The following SLC25A12 variants were observed in gnomAD, a reference collection of about 807,000 sequenced individuals.
SLC25A12 encodes the protein solute carrier family 25 member 12.
In SLC25A12, 32 loss-of-function variants were observed where a neutral mutation model predicts 83.3. That is an observed-to-expected ratio of 0.38 (90% CI 0.29 to 0.52). The LOEUF is 0.52. Ranked by LOEUF, SLC25A12 falls within the 20% of genes least tolerant of loss-of-function variation. SLC25A12 has a pLI of 0.84. For synonymous variants in SLC25A12, 267 were observed against 291.1 expected (o/e 0.92, Z 0.84); for missense variants, 611 against 835.6 (o/e 0.73, Z 3.31).
At chr2:171,873,676 C>T (rs1006918353) in intron 2 of SLC25A12, among the ~76,000 whole-genome samples, 2 of 152,040 alleles carry the variant, frequency 1.3e-5, no homozygotes, top group African/African-American at 4.8e-5. Context: ...ACCCCAGAGG[C>T]AATCGATTTC....
At chr2:171,794,090 C>T (rs1683547062) in intron 13 of SLC25A12, among the ~76,000 whole-genome samples, 2 of 152,108 alleles carry the variant, frequency 1.3e-5, no homozygotes, top group Non-Finnish European at 2.9e-5. Flanking sequence ...GAAAAAAAAG[C>T]GGAGCCAGAT....
At chr2:171,809,186 G>A (rs1219381482) in intron 13 of SLC25A12, among the ~76,000 whole-genome samples, 1 of 152,180 alleles carries the variant, frequency 6.6e-6, no homozygotes, top group African/African-American at 2.4e-5. Flanking sequence ...TGTCTTTATA[G>A]TAGAATGATT....
At chr2:171,846,485 G>A (rs1260938898) in intron 4 of SLC25A12, among the ~76,000 whole-genome samples, 3 of 152,020 alleles carry the variant, frequency 2.0e-5, no homozygotes, top group African/African-American at 7.2e-5. Context: ...ATGCAAAAGC[G>A]TTCAAGCTAA....
intron 4 of SLC25A12, among the ~76,000 whole-genome samples, chr2:171,855,050 C>T (rs1048907178): frequency 6.6e-6 from 1 of 152,002 alleles, no homozygotes; most frequent in African/African-American, 2.4e-5. Context: ...GTGTTTTTTG[C>T]CACAACAAAA....
intron 4 of SLC25A12, among the ~76,000 whole-genome samples, chr2:171,855,180 A>G (rs543949294): frequency 1.8e-4 from 27 of 152,328 alleles, no homozygotes; most frequent in African/African-American, 6.0e-4. Context: ...ACATATACTA[A>G]TTTCTGTAAA....
At chr2:171,846,643 TA>T (rs1465558426) in intron 4 of SLC25A12, among the ~76,000 whole-genome samples, 6 of 152,120 alleles carry the variant, frequency 3.9e-5, no homozygotes, top group Admixed American at 2.6e-4. Flanking sequence ...CCGTCTCTAC[TA>T]AAAATACAAA....
intron 13 of SLC25A12, 71 bp downstream of exon 13, chr2:171,809,535 A>G: frequency 9.0e-7 from 1 of 1,114,296 alleles, no homozygotes; most frequent in South Asian, 1.2e-5. Context: ...CCACTAAGAT[A>G]TCTATTATAT....
intron 2 of SLC25A12, among the ~76,000 whole-genome samples, chr2:171,871,065 G>T (rs1048252306): frequency 5.3e-5 from 8 of 152,214 alleles, no homozygotes; most frequent in African/African-American, 1.9e-4. Flanking sequence ...AGCTGGGCAT[G>T]GTGGTGCACA....
chr2:171,810,734 G>A (rs1683931231), intron 11 of SLC25A12, among the ~76,000 whole-genome samples: 1 of 141,270 alleles, frequency 7.1e-6, no homozygotes, highest in Non-Finnish European at 1.6e-5. Context: ...ATGGCATACA[G>A]TGGCTTCGTT....
At chr2:171,875,248 G>A (rs912811719) in intron 2 of SLC25A12, among the ~76,000 whole-genome samples, 3 of 152,170 alleles carry the variant, frequency 2.0e-5, no homozygotes, top group Admixed American at 6.5e-5. Context: ...ATTTGGACGC[G>A]AGAAGTTTCT....
intron 10 of SLC25A12, among the ~76,000 whole-genome samples, chr2:171,814,664 C>A (rs920376914): frequency 1.3e-5 from 2 of 150,458 alleles, no homozygotes; most frequent in South Asian, 2.1e-4. Flanking sequence ...CACAAGTAGA[C>A]CCCAGTGTCT....
Position 171,791,446 on chromosome 2 carries a change from G to A in SLC25A12, c.1585+5C>T. ...TCTTTCAGTTAAAAAAAAATTTGTA[G>A]TTACCTGCCATGGCTCCAGCTGCAA... On this transcript the variant is annotated splice_donor_5th_base_variant and intron_variant, in intron 15 of 17. Transcript: ENST00000422440. 1.2e-6 allele frequency: 2 copies of A among 1,613,628 alleles called. No homozygotes were observed. The highest frequency in any genetic ancestry group is 1.7e-6 in the Non-Finnish European group (2 of 1,179,602).
chr2:171,786,421 G>A (rs1690492563), intron 17 of SLC25A12, among the ~76,000 whole-genome samples: 1 of 149,354 alleles, frequency 6.7e-6, no homozygotes, highest in Admixed American at 6.7e-5. Context: ...GAGAGAAATA[G>A]CTTTAGTTCT....
chr2:171,815,198 G>T lies in SLC25A12; in HGVS notation c.935C>A (p.Ser312Tyr). The T allele has an allele frequency of 6.2e-7, 1 of 1,612,494 alleles. No homozygotes were observed. ...YNLAELQRQQ[S>Y]PGLGRPIWLQ... Reference sequence around the variant, plus strand: ...CCAGATAGGCCTGCCTAACCCAGGAGACTGCTGCAGAGAAGAAAACGGGTA... The same window carrying T: ...CCAGATAGGCCTGCCTAACCCAGGATACTGCTGCAGAGAAGAAAACGGGTA... Residue 312 changes from serine to tyrosine, a missense_variant, in exon 10 of 18, where the codon TCT (serine) becomes TAT (tyrosine). Ser to Tyr is a moderately radical substitution (Grantham distance 144, BLOSUM62 -2). Coordinates refer to ENST00000422440, the MANE Select transcript of SLC25A12 (RefSeq NM_003705.5).
At chr2:171,876,543 T>TTG (rs1553477080) in intron 2 of SLC25A12, among the ~76,000 whole-genome samples, 2 of 29,528 alleles carry the variant, frequency 6.8e-5, no homozygotes, top group African/African-American at 1.7e-4. Context: ...TTTTTTTTTT[T>TTG]GGGGGGGGGG....
chr2:171,860,010 C>A (rs1035031298), intron 3 of SLC25A12, among the ~76,000 whole-genome samples: 14 of 152,108 alleles, frequency 9.2e-5, no homozygotes, highest in African/African-American at 3.4e-4. Flanking sequence ...CTCAGGTGAT[C>A]CGCCCACCTA....
chr2:171,815,876 G>C (rs1441724430), intron 9 of SLC25A12, among the ~76,000 whole-genome samples: 1 of 151,590 alleles, frequency 6.6e-6, no homozygotes, highest in Admixed American at 6.6e-5. Context: ...TGAAATGACA[G>C]AATAAACTAA....
At position 171,894,198 on chromosome 2, in the gene SLC25A12, GT is replaced by G; in HGVS notation, c.12+4del. On this transcript the variant is annotated splice_donor_region_variant and intron_variant, in intron 1 of 17. Coordinates refer to ENST00000422440, the MANE Select transcript of SLC25A12 (RefSeq NM_003705.5). The stretch of plus-strand genomic sequence containing the variant: ...ATAAAAGCAGCAGCAGAGAGTTGGA[GT>G]CACCTTGACCGCCATGCTGTGCTCG... 1.9e-6 allele frequency: 3 copies of G among 1,608,854 alleles called. No homozygotes were observed. The highest frequency in any genetic ancestry group is 1.7e-6 in the Non-Finnish European group (2 of 1,177,778).
At chr2:171,868,650 T>C (rs1292327274) in intron 3 of SLC25A12, 31 bp downstream of exon 3, 3 of 1,606,042 alleles carry the variant, frequency 1.9e-6, no homozygotes, top group Non-Finnish European at 2.6e-6. Flanking sequence ...TCCAGAACAT[T>C]AGTTTTCAGA....
Sources: allele counts gnomAD v4.1 joint callset (sites outside exome capture counted in the v4.1 genomes callset), GRCh38; gene constraint gnomAD v4.1.1; transcripts MANE v1.5; gene names NCBI Gene and HGNC (gene_info 2026-07-23, HGNC 2026-07-21).